AEBP2: variants seen among roughly 807,000 people sequenced by gnomAD.
AEBP2 encodes AE binding protein 2.
In AEBP2, 10 loss-of-function variants were observed where a neutral mutation model predicts 50.8. The ratio of observed to expected loss-of-function variants is 0.20; its 90% confidence interval spans 0.12 to 0.33. The LOEUF (loss-of-function observed/expected upper bound fraction) is 0.33, where lower values mean the gene tolerates loss of function less well. Among genes scored for constraint, AEBP2 ranks in the 10% least tolerant of loss-of-function variants. The pLI, the probability that AEBP2 is intolerant of heterozygous loss-of-function variation, is 1.00. For missense variants in AEBP2, 570 were observed against 688.0 expected, an observed-to-expected ratio of 0.83 and a Z score of 1.92; for synonymous variants, 296 against 261.3, an observed-to-expected ratio of 1.13 and a Z score of -1.28.
At chr12:19,404,973 TGCCCAGGCTGGA>T (rs2095735436) in intron 1 of AEBP2, among the ~76,000 whole-genome samples, 1 of 149,308 alleles carries the variant, frequency 6.7e-6, no homozygotes, top group Non-Finnish European at 1.5e-5. Context: ...CTCACTGTGT[TGCCCAGGCTGGA>T]GTGCAGTGGC....
intron 1 of AEBP2, among the ~76,000 whole-genome samples, chr12:19,434,072 C>G (rs764348367): frequency 6.6e-6 from 1 of 151,952 alleles, no homozygotes; most frequent in Admixed American, 6.6e-5. Flanking sequence ...GTCTCGATCT[C>G]CTGACCTTGT....
At position 19,462,611 on chromosome 12, in the gene AEBP2, A is replaced by T. The variant is rs767159814; in HGVS notation, c.773A>T (p.Asn258Ile). ...GGAAGCACTACTTCTTCAAGCAAAA[A>T]TATTGCCTATAATTGTTGTTGGGAC... ...GQGSTTSSSKNIAYNCCWDQC... is the reference protein window; with the variant it reads ...GQGSTTSSSKIIAYNCCWDQC... Residue 258 changes from asparagine (N) to isoleucine (I), a missense_variant, in exon 2 of 8, where the codon AAT becomes ATT. By Grantham distance (149) the Asn-to-Ile change is moderately radical (BLOSUM62 -3). Around this residue, in one of 2 missense-constraint regions of AEBP2, gnomAD observed 184 missense variants for 351.2 expected, o/e 0.52. Coordinates refer to ENST00000266508, the MANE Select transcript of AEBP2 (RefSeq NM_153207.5). 6.2e-7 allele frequency: 1 copy of T among 1,613,982 alleles called. No individual in the cohort carries two copies. Among genetic ancestry groups the T allele is most frequent in the South Asian group, 1.1e-5 (1 of 91,072 alleles).
At chr12:19,470,971 T>C (rs1948563229) in intron 2 of AEBP2, among the ~76,000 whole-genome samples, 1 of 152,178 alleles carries the variant, frequency 6.6e-6, no homozygotes, top group Non-Finnish European at 1.5e-5. Flanking sequence ...CACAAGTAAT[T>C]GCGTTTTTTT....
intron 5 of AEBP2, among the ~76,000 whole-genome samples, chr12:19,501,255 C>CA (rs1442980592): frequency 6.6e-6 from 1 of 150,406 alleles, no homozygotes; most frequent in African/African-American, 2.4e-5. Flanking sequence ...TGCTTGAGCC[C>CA]AGGAGTTGGA....
At chr12:19,479,717 G>GTTTTTTTTTTT (rs369410408) in intron 3 of AEBP2, among the ~76,000 whole-genome samples, 5 of 22,348 alleles carry the variant, frequency 2.2e-4, no homozygotes, top group East Asian at 9.0e-4. Context: ...CTCTTTGTGG[G>GTTTTTTTTTTT]TTTTTTTTTT....
rs180848631 is a variant in AEBP2 at position 19,409,569 on chromosome 12, G to A, written c.-17+5353G>A. Among the ~76,000 whole-genome samples the A allele has an allele frequency of 9.9e-5, 15 of 152,230 alleles. No homozygotes were observed. The East Asian group carries it at 2.3e-3, about 24-fold the overall frequency. ...AGGGAAGAGCTGGCTCATTTTCCAC[G>A]TGGACTGCCAAGTTCACCAGCCGTG... On this transcript the variant is annotated intron_variant, in intron 1 of 3. Transcript: ENST00000538425.
chr12:19,436,486 A>C (rs1200378104), upstream of AEBP2, among the ~76,000 whole-genome samples: 2 of 151,970 alleles, frequency 1.3e-5, no homozygotes. Context: ...ACTTACCCCA[A>C]ATTCTTTCTT....
intron 2 of AEBP2, among the ~76,000 whole-genome samples, chr12:19,463,624 G>A (rs11044576): frequency 0.021 from 3,176 of 150,462 alleles, 40 homozygotes; most frequent in East Asian, 0.042. Context: ...ACATCCAACC[G>A]GGTCAACGTT....
chr12:19,478,732 C>T (rs966103206), intron 3 of AEBP2, among the ~76,000 whole-genome samples: 1 of 152,144 alleles, frequency 6.6e-6, no homozygotes, highest in Admixed American at 6.5e-5. Flanking sequence ...ACTCAAGGAT[C>T]ATTCAGGAGC....
intron 6 of AEBP2, 132 bp downstream of exon 6, chr12:19,512,597 A>G (rs1026990231): frequency 1.9e-5 from 12 of 630,268 alleles, no homozygotes; most frequent in Non-Finnish European, 2.9e-5. Flanking sequence ...GGTTGTCAGG[A>G]TTAAAGAGAT....
intron 1 of AEBP2, among the ~76,000 whole-genome samples, chr12:19,429,732 T>C (rs2095750448): frequency 6.6e-6 from 1 of 152,210 alleles, no homozygotes; most frequent in African/African-American, 2.4e-5. Flanking sequence ...TGGCCAGTGA[T>C]GATGAGCATT....
At chr12:19,457,216 G>A (rs1276956614) in intron 1 of AEBP2, 2 of 1,598,252 alleles carry the variant, frequency 1.3e-6, no homozygotes, top group Admixed American at 1.7e-5. Context: ...CAGTGTGTAA[G>A]CCAAAAGGGC....
Position 19,439,623 on chromosome 12 carries a change from AG to A in AEBP2, c.-71del. ...GTCGGCGGAGTTTTGGGCGTTTGGG[AG>A]GGGGGCGAGGGAGAGAGAGTCGAGA... On this transcript the variant is annotated 5_prime_UTR_variant, in exon 1 of 8. Coordinates refer to ENST00000266508, the MANE Select transcript of AEBP2 (RefSeq NM_153207.5). The A allele has an allele frequency of 4.1e-6, 6 of 1,465,980 alleles. No homozygotes were observed. Among genetic ancestry groups the A allele is most frequent in the East Asian group, 2.7e-5 (1 of 36,596 alleles). 90.8% of individuals were successfully genotyped at this position (1,465,980 alleles called of 1,614,324 possible). A position where few individuals can be genotyped will look rare whatever the true frequency, so the allele number is the denominator to read the frequency against.
intron 1 of AEBP2, among the ~76,000 whole-genome samples, chr12:19,432,865 G>A (rs2095752128): frequency 6.6e-6 from 1 of 152,088 alleles, no homozygotes; most frequent in Non-Finnish European, 1.5e-5. Context: ...TACCTTAGTA[G>A]GCTTGGTAGG....
chr12:19,469,567 A>G (rs1354959076), intron 2 of AEBP2, among the ~76,000 whole-genome samples: 2 of 152,108 alleles, frequency 1.3e-5, no homozygotes, highest in African/African-American at 2.4e-5. Context: ...CAATCCTTCT[A>G]CCTCTAGTGT....
intron 2 of AEBP2, among the ~76,000 whole-genome samples, chr12:19,467,233 A>C (rs1326335877): frequency 6.6e-6 from 1 of 151,186 alleles, no homozygotes; most frequent in African/African-American, 2.4e-5. Flanking sequence ...TAAAAACATC[A>C]TGAGAGTGCT....
At chr12:19,495,661 C>T (rs1286647934) in intron 4 of AEBP2, among the ~76,000 whole-genome samples, 1 of 151,854 alleles carries the variant, frequency 6.6e-6, no homozygotes, top group African/African-American at 2.4e-5. Flanking sequence ...CCCACCTCAG[C>T]CTCCCAAGTA....
chr12:19,464,736 G>T (rs926006843), intron 2 of AEBP2, among the ~76,000 whole-genome samples: 4 of 151,578 alleles, frequency 2.6e-5, no homozygotes, highest in Admixed American at 2.0e-4. Flanking sequence ...ACAGGCCTGA[G>T]CCACCATGCC....
chr12:19,440,430 A>C, intron 1 of AEBP2, 60 bp downstream of exon 1: 1 of 1,443,962 alleles, frequency 6.9e-7, no homozygotes, highest in Non-Finnish European at 9.1e-7. Context: ...GGCCCCTCAG[A>C]GGGGGACCAA....
Sources: gnomAD v4.1 joint callset for allele counts (sites outside exome capture counted in the v4.1 genomes callset) on GRCh38, gnomAD v4.1.1 for gene constraint, gnomAD v4.1.1 regional missense constraint, MANE v1.5 for transcripts, NCBI Gene and HGNC (gene_info 2026-07-23, HGNC 2026-07-21) for gene names.